SERPINI2: variants seen among roughly 807,000 people sequenced by gnomAD.
SERPINI2 encodes the protein serpin I2.
SERPINI2 carries 48 observed loss-of-function variants against 47.3 expected under a neutral mutation model. The ratio of observed to expected loss-of-function variants is 1.02; its 90% CI spans 0.81 to 1.29. SERPINI2 has a LOEUF of 1.29. SERPINI2 is among the 50% of genes most tolerant of loss of function. SERPINI2 has a pLI of 0.00. For synonymous variants in SERPINI2, 135 were observed against 149.3 expected, an observed-to-expected ratio of 0.90 and a Z score of 0.70; for missense variants, 448 against 456.9, an observed-to-expected ratio of 0.98 and a Z score of 0.18.
intron 8 of SERPINI2, among the ~76,000 whole-genome samples, chr3:167,443,218 C>G (rs1749378651): frequency 6.6e-6 from 1 of 152,214 alleles, no homozygotes; most frequent in Non-Finnish European, 1.5e-5. Flanking sequence ...CGCCATTCTC[C>G]TGCCTCAGCC....
At chr3:167,453,020 G>C (rs762503151) in exon 6 of SERPINI2, 8 of 1,566,656 alleles carry the variant, frequency 5.1e-6, no homozygotes, top group Non-Finnish European at 7.0e-6. Context: ...TCTACTTTTT[G>C]TTCTACTTTA....
At chr3:167,465,977 A>G (rs548148395) in intron 3 of SERPINI2, among the ~76,000 whole-genome samples, 1 of 152,264 alleles carries the variant, frequency 6.6e-6, no homozygotes, top group Admixed American at 6.5e-5. Context: ...TAAAGAATAA[A>G]AATATTACTT....
At position 167,442,198 on chromosome 3, in the gene SERPINI2, A is replaced by G; in HGVS notation, c.1142-13T>C. The G allele has an allele frequency of 6.4e-7, 1 of 1,561,094 alleles. No individual in the cohort carries two copies. Among genetic ancestry groups the G allele is most frequent in the Non-Finnish European group, 8.6e-7 (1 of 1,157,904 alleles). On this transcript the variant is annotated splice_polypyrimidine_tract_variant and intron_variant, in intron 8 of 8. Coordinates refer to ENST00000264677, the Ensembl canonical transcript of SERPINI2. ...AACAGAATTGATTCTAGGGAAAAAA[A>G]AACAAAAAAATATACTTTAGGAATT...
upstream of SERPINI2, among the ~76,000 whole-genome samples, chr3:167,475,928 T>C (rs1483336959): frequency 5.9e-5 from 9 of 151,848 alleles, no homozygotes; most frequent in East Asian, 1.5e-3. Flanking sequence ...TTTAAAAATG[T>C]ATAAGCAAAT....
intron 8 of SERPINI2, among the ~76,000 whole-genome samples, chr3:167,445,712 A>G (rs1749459850): frequency 6.6e-6 from 1 of 152,192 alleles, no homozygotes; most frequent in Non-Finnish European, 1.5e-5. Context: ...CATAAACTTG[A>G]CAATTTTCCC....
At position 167,467,242 on chromosome 3, in the gene SERPINI2, T is replaced by G. The variant is rs368697012; in HGVS notation, c.291A>C (p.Ser97=). 9 of 1,612,758 alleles carry G rather than the reference T, an allele frequency of 5.6e-6. No individual in the cohort carries two copies. The African/African-American group carries it at 8.0e-5, about 14-fold the overall frequency. ...TAAATGTAAATTCTTGTTTTTTCTC[T>G]GAGATGGCAGAGAAAAATGACTTCA... is the stretch of plus-strand genomic sequence containing the variant. Residue 97 remains serine, a synonymous_variant, in exon 3 of 9, where the codon TCA becomes TCC. Transcript: ENST00000264677.
intron 2 of SERPINI2, among the ~76,000 whole-genome samples, chr3:167,469,999 T>A (rs979898337): frequency 6.6e-6 from 1 of 152,162 alleles, no homozygotes; most frequent in Non-Finnish European, 1.5e-5. Context: ...TTTTTGATAG[T>A]GCGTTATTAC....
At chr3:167,456,809 G>A (rs1376867169) in intron 5 of SERPINI2, among the ~76,000 whole-genome samples, 1 of 152,092 alleles carries the variant, frequency 6.6e-6, no homozygotes, top group Non-Finnish European at 1.5e-5. Flanking sequence ...TACAATGTTG[G>A]CATTATAATA....
intron 5 of SERPINI2, among the ~76,000 whole-genome samples, chr3:167,459,569 A>T (rs7629866): frequency 0.18 from 26,870 of 151,986 alleles, 3,498 homozygotes; most frequent in African/African-American, 0.37. Context: ...TCTAAACTAG[A>T]TATACACAAA....
chr3:167,444,602 T>C (rs906382657), intron 8 of SERPINI2, among the ~76,000 whole-genome samples: 9 of 152,184 alleles, frequency 5.9e-5, no homozygotes, highest in African/African-American at 2.2e-4. Flanking sequence ...TCACTAAATA[T>C]GTATTGTCTT....
At chr3:167,449,218 A>C in intron 7 of SERPINI2, 98 bp downstream of exon 7, 1 of 818,030 alleles carries the variant, frequency 1.2e-6, no homozygotes. Flanking sequence ...ACAGCAGAAG[A>C]GAAAAAGAAG....
chr3:167,445,729 T>C (rs1484513858), intron 8 of SERPINI2, among the ~76,000 whole-genome samples: 1 of 152,198 alleles, frequency 6.6e-6, no homozygotes, highest in Non-Finnish European at 1.5e-5. Context: ...TCCCACTGTA[T>C]TCACATTTCT....
At chr3:167,448,844 A>C (rs1367769922) in intron 7 of SERPINI2, among the ~76,000 whole-genome samples, 3 of 152,182 alleles carry the variant, frequency 2.0e-5, no homozygotes, top group Non-Finnish European at 4.4e-5. Context: ...GAGTTTTTAA[A>C]GCTTCCCAGG....
At chr3:167,448,323 C>T (rs1160200746) in intron 7 of SERPINI2, among the ~76,000 whole-genome samples, 1 of 152,134 alleles carries the variant, frequency 6.6e-6, no homozygotes, top group Non-Finnish European at 1.5e-5. Flanking sequence ...AACGAGTTCC[C>T]AAGTGGTGCT....
chr3:167,476,503 CATA>C (rs1299546981), upstream of SERPINI2, among the ~76,000 whole-genome samples: 3 of 152,016 alleles, frequency 2.0e-5, no homozygotes, highest in Non-Finnish European at 2.9e-5. Context: ...AGAGTTACAG[CATA>C]ATACCATGCA....
chr3:167,449,713 G>T (rs554976582), intron 6 of SERPINI2, among the ~76,000 whole-genome samples: 3 of 152,060 alleles, frequency 2.0e-5, no homozygotes, highest in South Asian at 2.1e-4. Flanking sequence ...AGGTGGTCCC[G>T]AACTCCTGAC....
intron 2 of SERPINI2, among the ~76,000 whole-genome samples, chr3:167,468,138 T>C (rs1408277198): frequency 6.6e-6 from 1 of 152,208 alleles, no homozygotes; most frequent in African/African-American, 2.4e-5. Flanking sequence ...CATTAAGTCT[T>C]GTAACTCTAT....
chr3:167,474,147 G>A, upstream of SERPINI2: 6 of 989,908 alleles, frequency 6.1e-6, no homozygotes, highest in Non-Finnish European at 7.2e-6. Context: ...AACAAAAGCA[G>A]GTGTTCACTA....
At position 167,471,576 on chromosome 3, in the gene SERPINI2, T is replaced by C; in HGVS notation, c.247+12A>G. The C allele has an allele frequency of 6.2e-7, 1 of 1,612,302 alleles. No individual in the cohort carries two copies. ...CTTATCCAGTATAAGTAAGGAGATG[T>C]AAGAGTCTCACCAGCTGAGGTTTCC... On this transcript the variant is annotated intron_variant, in intron 2 of 8. Transcript: ENST00000264677.
Sources: allele counts gnomAD v4.1 joint callset (sites outside exome capture counted in the v4.1 genomes callset), GRCh38; gene constraint gnomAD v4.1.1; transcripts MANE v1.5; gene names NCBI Gene and HGNC (gene_info 2026-07-23, HGNC 2026-07-21).